Variants in TXNRD1 observed in about 807,000 individuals in gnomAD.
The protein encoded by TXNRD1 is thioredoxin reductase 1, cytoplasmic.
TXNRD1 carries 57 observed loss-of-function variants against 80.3 expected under a neutral mutation model. The observed-to-expected ratio is 0.71, with a 90% CI of 0.57 to 0.89. TXNRD1 has a LOEUF of 0.89. Among genes scored for constraint, TXNRD1 ranks in the 40% least tolerant of loss-of-function variants. The pLI is 0.00. For missense variants in TXNRD1, 730 were observed against 803.0 expected (o/e 0.91, Z 1.10); for synonymous variants, 291 against 285.2 (o/e 1.02, Z -0.20).
intron 16 of TXNRD1, among the ~76,000 whole-genome samples, chr12:104,347,164 TTTC>T (rs1243025149): frequency 2.0e-5 from 3 of 150,284 alleles, no homozygotes; most frequent in African/African-American, 2.4e-5. Flanking sequence ...GATGAGCCTC[TTTC>T]TTCTTATAAT....
chr12:104,294,656 G>C lies in TXNRD1; in HGVS notation c.414+5616G>C, dbSNP rs541283715. Among the ~76,000 whole-genome samples, 4 of 152,238 alleles carry C rather than the reference G, an allele frequency of 2.6e-5. No homozygotes were observed. The South Asian group carries it at 8.3e-4, about 32-fold the overall frequency. On this transcript the variant is annotated intron_variant, in intron 4 of 16. Coordinates refer to ENST00000525566, the MANE Select transcript of TXNRD1 (RefSeq NM_001093771.3). ...TCCTCTGTCTCTTGCCTCGGTGCCTGGGTGGCTTGCCACCCACAGTCCAGG... is the reference window on the plus strand; with the variant it reads ...TCCTCTGTCTCTTGCCTCGGTGCCTCGGTGGCTTGCCACCCACAGTCCAGG...
In TXNRD1 at chr12:104,318,984, G is replaced by T. The variant is rs768805307; in HGVS notation, c.802G>T (p.Val268Leu). Reference protein sequence around the residue: ...HIGSLNWGYRVALREKKVVYE... With the variant: ...HIGSLNWGYRLALREKKVVYE... ...TGGCTCTTTGAATTGGGGCTACCGAGTAGCTCTGCGGGAGAAAAAAGTCGT... is the reference window on the plus strand; with the variant it reads ...TGGCTCTTTGAATTGGGGCTACCGATTAGCTCTGCGGGAGAAAAAAGTCGT... The change falls in exon 8 of 17, where the codon GTA becomes TTA. Residue 268 changes from valine to leucine, a missense_variant. By Grantham distance (32) the Val-to-Leu change is conservative. Transcript: ENST00000525566. 1 of 1,613,960 alleles carries T rather than the reference G, an allele frequency of 6.2e-7. No homozygotes were observed. The highest frequency in any genetic ancestry group is 1.1e-5 in the South Asian group (1 of 91,074).
intron 4 of TXNRD1, among the ~76,000 whole-genome samples, chr12:104,310,860 C>A (rs1021571907): frequency 1.3e-5 from 2 of 152,134 alleles, no homozygotes; most frequent in Non-Finnish European, 2.9e-5. Context: ...AGATGTTATG[C>A]CCCAGCCAAA....
intron 14 of TXNRD1, among the ~76,000 whole-genome samples, chr12:104,331,933 T>C (rs1179115948): frequency 6.6e-6 from 1 of 152,146 alleles, no homozygotes; most frequent in African/African-American, 2.4e-5. Flanking sequence ...TATATAGCCG[T>C]AGTGTAGTTA....
chr12:104,329,006 G>C (rs1823367720), intron 13 of TXNRD1, among the ~76,000 whole-genome samples: 2 of 152,124 alleles, frequency 1.3e-5, no homozygotes, highest in African/African-American at 2.4e-5. Context: ...GTTGGTTACA[G>C]TAATGGGAAT....
chr12:104,267,677 C>CTTTG (rs1565870153), intron 3 of TXNRD1, among the ~76,000 whole-genome samples: 1 of 49,320 alleles, frequency 2.0e-5, no homozygotes, highest in Non-Finnish European at 4.8e-5. Flanking sequence ...TTCTTTCTTT[C>CTTTG]TTTCTTTCTT....
At chr12:104,239,425 C>T (rs1208514229) in intron 1 of TXNRD1, among the ~76,000 whole-genome samples, 11 of 152,082 alleles carry the variant, frequency 7.2e-5, no homozygotes, top group African/African-American at 2.7e-4. Context: ...AAACTCCTGA[C>T]CTCAGATGAT....
rs575483583 is a variant in TXNRD1, at chr12:104,325,354, A to G, written c.1233A>G (p.Ala411=). The change falls in exon 11 of 17, where the codon GCA becomes GCG. Residue 411 remains alanine, a synonymous_variant. Transcript: ENST00000525566. ...TCTTACAGGTTGAACAAATTGAAGC[A>G]GGGACACCAGGCCGACTCAGAGTAG... is the stretch of plus-strand genomic sequence containing the variant. ...FVPIKVEQIE[A]GTPGRLRVVA... is the part of the protein sequence containing the mutation. The G allele has an allele frequency of 4.3e-6, 7 of 1,613,060 alleles. No homozygotes were observed. The highest frequency in any genetic ancestry group is 1.7e-6 in the Non-Finnish European group (2 of 1,179,346).
At chr12:104,288,809 AGTCAACAGAG>A in intron 3 of TXNRD1, 112 bp from the exon 4 acceptor site, 1 of 1,600,814 alleles carries the variant, frequency 6.2e-7, no homozygotes, top group Non-Finnish European at 8.5e-7. Context: ...CTTGCAAGGG[AGTCAACAGAG>A]GGCACGCGGT....
In TXNRD1 at chr12:104,349,738, C is replaced by G. The variant is rs1342600703; in HGVS notation, c.*1317C>G. 6.6e-6 allele frequency: 1 copy of G among 152,358 alleles called. No homozygotes were observed. The highest frequency in any genetic ancestry group is 1.9e-4 in the East Asian group (1 of 5,198). The allele number at this position is 152,358 out of a possible 1,614,324, so 9.4% of individuals were successfully genotyped here. On this transcript the variant is annotated 3_prime_UTR_variant, in exon 17 of 17. Transcript: ENST00000525566. ...TGAACACGTGCTTGTGGACATCAGG[C>G]CTCCTGCCAGCAGTTCTTGAAGCTT...
At chr12:104,217,968 A>G (rs187127604) in intron 1 of TXNRD1, among the ~76,000 whole-genome samples, 1 of 152,010 alleles carries the variant, frequency 6.6e-6, no homozygotes, top group African/African-American at 2.4e-5. Flanking sequence ...GTATATGTAC[A>G]TACACACACA....
At chr12:104,301,867 G>T (rs1204360539) in intron 4 of TXNRD1, among the ~76,000 whole-genome samples, 1 of 152,196 alleles carries the variant, frequency 6.6e-6, no homozygotes, top group Admixed American at 6.5e-5. Context: ...TTAGAAGAGG[G>T]ATAAGAACTT....
intron 15 of TXNRD1, among the ~76,000 whole-genome samples, chr12:104,336,140 G>A (rs749040618): frequency 6.6e-6 from 1 of 152,192 alleles, no homozygotes; most frequent in Non-Finnish European, 1.5e-5. Flanking sequence ...GTCTCACTGA[G>A]AGAGACTTCA....
At chr12:104,293,266 T>C (rs1394080343) in intron 4 of TXNRD1, among the ~76,000 whole-genome samples, 1 of 152,226 alleles carries the variant, frequency 6.6e-6, no homozygotes. Context: ...TAGTTAAGAC[T>C]TTAGTAGTTT....
chr12:104,331,548 T>C lies in TXNRD1; in HGVS notation c.1557T>C (p.Asn519=). 6.2e-7 allele frequency: 1 copy of C among 1,608,114 alleles called. No individual in the cohort carries two copies. The highest frequency in any genetic ancestry group is 1.1e-5 in the South Asian group (1 of 89,956). Residue 519 remains asparagine (N), a synonymous_variant, in exon 14 of 17, where the codon AAT becomes AAC. Transcript: ENST00000525566. ...TTTTTAAACAGTGTGACTATGAAAA[T>C]GTTCCAACCACTGTATTTACTCCTT... The part of the protein sequence containing the change: ...AGSTVKCDYE[N]VPTTVFTPLE...
At chr12:104,217,286 A>G (rs2032236794) in intron 1 of TXNRD1, among the ~76,000 whole-genome samples, 1 of 125,674 alleles carries the variant, frequency 8.0e-6, no homozygotes, top group South Asian at 2.3e-4. Flanking sequence ...GTGTGTGGTT[A>G]AAAAAAAAAA....
rs780507612 is a variant in TXNRD1 at position 104,258,079 on chromosome 12, G to A, written c.304G>A (p.Glu102Lys). 216 of 1,545,490 alleles carry A rather than the reference G, an allele frequency of 1.4e-4. No individual in the cohort carries two copies. The highest frequency in any genetic ancestry group is 1.9e-4 in the Non-Finnish European group (214 of 1,141,370). Residue 102 changes from glutamate to lysine, a missense_variant and splice_region_variant, in exon 3 of 17, where the codon GAG (glutamate) becomes AAG (lysine). Glu to Lys is a moderately conservative substitution (Grantham distance 56, BLOSUM62 1). Coordinates refer to ENST00000525566, the MANE Select transcript of TXNRD1 (RefSeq NM_001093771.3). ...TTTTGTGCTTGAACTTGATCAAACAGGTAAGTTTCTGTTTAATATGTAAAT... is the reference window on the plus strand; with the variant it reads ...TTTTGTGCTTGAACTTGATCAAACAAGTAAGTTTCTGTTTAATATGTAAAT... ...PYFVLELDQT[E>K]DGRALEGTLS...
chr12:104,257,267 G>C (rs1235708629), intron 2 of TXNRD1, among the ~76,000 whole-genome samples: 2 of 151,728 alleles, frequency 1.3e-5, no homozygotes, highest in African/African-American at 4.8e-5. Context: ...TAGTCTCAGA[G>C]CATAATAGGT....
At chr12:104,297,069 C>T (rs1218464599) in intron 4 of TXNRD1, among the ~76,000 whole-genome samples, 1 of 151,704 alleles carries the variant, frequency 6.6e-6, no homozygotes, top group Non-Finnish European at 1.5e-5. Context: ...TTTGAGAGGC[C>T]GAGGCGGGTG....
Sources: allele counts gnomAD v4.1 joint callset (sites outside exome capture counted in the v4.1 genomes callset), GRCh38; gene constraint gnomAD v4.1.1; transcripts MANE v1.5; gene names NCBI Gene and HGNC (gene_info 2026-07-23, HGNC 2026-07-21).